The following ANKRD33B variants were observed in gnomAD, a reference collection of about 807,000 sequenced individuals.
ANKRD33B encodes ankyrin repeat domain-containing protein 33B.
In ANKRD33B, 6 loss-of-function variants were observed where a neutral mutation model predicts 21.5. The ratio of observed to expected loss-of-function variants is 0.28; its 90% CI spans 0.15 to 0.55. ANKRD33B has a LOEUF of 0.55. Ranked by LOEUF, ANKRD33B falls within the 20% of genes least tolerant of loss-of-function variation. The pLI, the probability that ANKRD33B is intolerant of heterozygous loss-of-function variation, is 0.94. For synonymous variants in ANKRD33B, 347 were observed against 342.4 expected (o/e 1.01, Z -0.15); for missense variants, 698 against 747.2 (o/e 0.93, Z 0.77).
intron 1 of ANKRD33B, among the ~76,000 whole-genome samples, chr5:10,568,832 C>T (rs1352667682): frequency 6.6e-6 from 1 of 151,914 alleles, no homozygotes; most frequent in Non-Finnish European, 1.5e-5. Context: ...CCGCGCCTGC[C>T]CTGCTTCTGC....
chr5:10,633,940 T>C (rs1313819393), intron 2 of ANKRD33B, among the ~76,000 whole-genome samples: 1 of 152,144 alleles, frequency 6.6e-6, no homozygotes, highest in Non-Finnish European at 1.5e-5. Context: ...CGTGTAATAG[T>C]CTTTCACAGG....
At chr5:10,637,540 C>T (rs988785252) in intron 2 of ANKRD33B, among the ~76,000 whole-genome samples, 4 of 151,118 alleles carry the variant, frequency 2.6e-5, no homozygotes, top group Non-Finnish European at 5.9e-5. Flanking sequence ...AGGGTGCCAG[C>T]GTGAATTGGC....
intron 1 of ANKRD33B, among the ~76,000 whole-genome samples, chr5:10,595,345 G>A (rs1374225116): frequency 1.3e-5 from 2 of 152,162 alleles, no homozygotes; most frequent in Non-Finnish European, 1.5e-5. Context: ...GGGGGCAGAT[G>A]TCTGAAGTCC....
intron 1 of ANKRD33B, among the ~76,000 whole-genome samples, chr5:10,584,072 G>A (rs1158693101): frequency 6.6e-6 from 1 of 152,158 alleles, no homozygotes; most frequent in Non-Finnish European, 1.5e-5. Flanking sequence ...CCACCTGCCC[G>A]GTGAAAATGT....
At position 10,565,117 on chromosome 5, in the gene ANKRD33B, C is replaced by T. The variant is rs138363318; in HGVS notation, c.366+284C>T. On this transcript the variant is annotated intron_variant, in intron 1 of 3. Transcript: ENST00000296657. ...CATCCCCTTCTCGTTTACCGGTCCC[C>T]GTGGACCTCCTGACTGAATTCGCGC... Among the ~76,000 whole-genome samples the T allele has an allele frequency of 4.8e-3, 728 of 152,354 alleles. 3 individuals are homozygous for T. The highest frequency in any genetic ancestry group is 0.017 in the African/African-American group (688 of 41,578).
At chr5:10,577,035 CG>C (rs989924528) in intron 1 of ANKRD33B, among the ~76,000 whole-genome samples, 2 of 152,066 alleles carry the variant, frequency 1.3e-5, no homozygotes, top group African/African-American at 4.8e-5. Flanking sequence ...AAGCTGGTGC[CG>C]GGGATGGTCA....
At chr5:10,573,793 T>C (rs1231434054) in intron 1 of ANKRD33B, among the ~76,000 whole-genome samples, 1 of 152,228 alleles carries the variant, frequency 6.6e-6, no homozygotes, top group African/African-American at 2.4e-5. Flanking sequence ...TCTGCCCCCA[T>C]GATCCAGTCA....
chr5:10,575,380 C>T (rs1358043346), intron 1 of ANKRD33B, among the ~76,000 whole-genome samples: 5 of 149,818 alleles, frequency 3.3e-5, no homozygotes, highest in Non-Finnish European at 5.9e-5. Context: ...GAGCCGAGAT[C>T]GCACCACTCC....
intron 1 of ANKRD33B, among the ~76,000 whole-genome samples, chr5:10,598,369 C>T (rs1037419861): frequency 3.3e-5 from 5 of 152,114 alleles, no homozygotes; most frequent in Non-Finnish European, 5.9e-5. Context: ...TGGGTTCAAG[C>T]GATTCTCCTG....
Position 10,638,139 on chromosome 5 carries a change from C to T in ANKRD33B, c.608C>T (p.Thr203Met), listed in dbSNP as rs1290290115. ...ALMKAAMQGR[T>M]DCIRALMLAG... ...ATGAAAGCCGCCATGCAGGGTCGAA[C>T]GGACTGCATCCGAGCCCTGATGCTA... The change falls in exon 3 of 4, where the codon ACG becomes ATG. Residue 203 changes from threonine to methionine, a missense_variant. Coordinates refer to ENST00000296657, the MANE Select transcript of ANKRD33B (RefSeq NM_001164440.2). The T allele has an allele frequency of 6.5e-6, 10 of 1,537,312 alleles. No individual in the cohort carries two copies. The highest frequency in any genetic ancestry group is 4.1e-5 in the African/African-American group (3 of 73,048).
Position 10,577,843 on chromosome 5 carries a change from T to G in ANKRD33B, c.366+13010T>G, listed in dbSNP as rs137958865. Among the ~76,000 whole-genome samples the G allele has an allele frequency of 4.0e-3, 612 of 152,346 alleles. 8 individuals carry two copies. The highest frequency in any genetic ancestry group is 0.014 in the African/African-American group (584 of 41,582). On this transcript the variant is annotated intron_variant, in intron 1 of 3. Transcript: ENST00000296657. ...TAGAGCCAGGTTCAGTTGACCTCACTGGAGACCTTGAACCCAGCTTGCTGC... is the reference window on the plus strand; with the variant it reads ...TAGAGCCAGGTTCAGTTGACCTCACGGGAGACCTTGAACCCAGCTTGCTGC...
intron 2 of ANKRD33B, chr5:10,624,747 C>T (rs758982588): frequency 2.2e-6 from 1 of 456,792 alleles, no homozygotes; most frequent in South Asian, 1.5e-5. Context: ...TCCCCATGGG[C>T]ATAGTTTCCT....
intron 3 of ANKRD33B, 78 bp downstream of exon 3, chr5:10,638,246 T>A: frequency 6.8e-7 from 1 of 1,472,472 alleles, no homozygotes; most frequent in South Asian, 1.3e-5. Flanking sequence ...TGTTTTGAGA[T>A]TAATCACTCC....
intron 1 of ANKRD33B, among the ~76,000 whole-genome samples, chr5:10,567,493 C>T (rs77848471): frequency 3.4e-4 from 51 of 151,954 alleles, no homozygotes; most frequent in Admixed American, 1.2e-3. Context: ...AACTGGGAGA[C>T]GGACTGCTTT....
At chr5:10,632,256 G>C (rs551515964) in intron 2 of ANKRD33B, among the ~76,000 whole-genome samples, 1 of 152,222 alleles carries the variant, frequency 6.6e-6, no homozygotes, top group Admixed American at 6.5e-5. Context: ...CTATGAACTT[G>C]AAGATGAGTC....
At chr5:10,629,266 A>G (rs1355517843) in intron 2 of ANKRD33B, among the ~76,000 whole-genome samples, 1 of 152,194 alleles carries the variant, frequency 6.6e-6, no homozygotes, top group Non-Finnish European at 1.5e-5. Flanking sequence ...TCAGGGATGG[A>G]GAAACAAAGA....
At chr5:10,572,366 G>A (rs956696667) in intron 1 of ANKRD33B, among the ~76,000 whole-genome samples, 8 of 152,148 alleles carry the variant, frequency 5.3e-5, no homozygotes, top group African/African-American at 1.9e-4. Flanking sequence ...GACCTGCTGA[G>A]TCAGGGCCTA....
In ANKRD33B at chr5:10,649,623, C is replaced by T. The variant is rs529884304; in HGVS notation, c.995C>T (p.Pro332Leu). The T allele has an allele frequency of 3.9e-6, 6 of 1,531,208 alleles. No homozygotes were observed. Among genetic ancestry groups the T allele is most frequent in the Non-Finnish European group, 5.2e-6 (6 of 1,144,862 alleles). The allele number at this position is 1,531,208 out of a possible 1,614,324, so 94.9% of individuals were successfully genotyped here. The change falls in exon 4 of 4, where the codon CCT (proline) becomes CTT (leucine). Residue 332 changes from proline (P) to leucine (L), a missense_variant. Pro to Leu is a moderately conservative substitution (Grantham distance 98). This residue lies in a region of ANKRD33B where 543 missense variants were observed against 566.5 expected (regional missense o/e 0.96). Coordinates refer to ENST00000296657, the MANE Select transcript of ANKRD33B (RefSeq NM_001164440.2). ...TGCCAGACCGTGTGCCCTGAGAGCC[C>T]TCCGAGCGTGGGGAAGAGGCGGCTG... ...IVCQTVCPES[P>L]PSVGKRRLAV...
At chr5:10,586,428 A>G (rs1051982489) in intron 1 of ANKRD33B, among the ~76,000 whole-genome samples, 1 of 151,258 alleles carries the variant, frequency 6.6e-6, no homozygotes, top group African/African-American at 2.4e-5. Context: ...CTTGATTGGA[A>G]GTTCTTGTTT....
Sources: gnomAD v4.1 joint callset for allele counts (sites outside exome capture counted in the v4.1 genomes callset) on GRCh38, gnomAD v4.1.1 for gene constraint, gnomAD v4.1.1 regional missense constraint, MANE v1.5 for transcripts, NCBI Gene and HGNC (gene_info 2026-07-23, HGNC 2026-07-21) for gene names.